Variants in C2CD5 observed in about 807,000 individuals in gnomAD.
C2CD5 encodes C2 calcium dependent domain containing 5.
Under a neutral mutation model 130.3 loss-of-function variants are expected in C2CD5, and 109 were observed. The ratio of observed to expected loss-of-function variants is 0.84; its 90% confidence interval spans 0.72 to 0.98. C2CD5 has a LOEUF of 0.98. Among genes scored for constraint, C2CD5 ranks in the 50% least tolerant of loss-of-function variants. The probability of loss-of-function intolerance (pLI) is 0.00; values close to 1 mark genes in which losing one functional copy is unlikely to be tolerated. For missense variants in C2CD5, 996 were observed against 1,261.8 expected, an observed-to-expected ratio of 0.79 and a Z score of 3.19; for synonymous variants, 454 against 429.2, an observed-to-expected ratio of 1.06 and a Z score of -0.71.
rs1316077723 is a variant in C2CD5 at position 22,449,061 on chromosome 12, T to C, written c.*699A>G. On this transcript the variant is annotated 3_prime_UTR_variant, in exon 27 of 27. Coordinates refer to ENST00000446597, the MANE Select transcript of C2CD5 (RefSeq NM_001286176.2). The stretch of plus-strand genomic sequence containing the variant: ...AGCCTCTTTTAGACAAAGTCAATAC[T>C]AACTCAAATGTTGCCAGTTATAAAA... 6.6e-6 allele frequency: 1 copy of C among 152,206 alleles called. No individual in the cohort carries two copies. The highest frequency in any genetic ancestry group is 2.4e-5 in the African/African-American group (1 of 41,468). 9.4% of individuals were successfully genotyped at this position (152,206 alleles called of 1,614,324 possible).
chr12:22,510,429 A>T (rs1949058776), intron 9 of C2CD5, among the ~76,000 whole-genome samples: 1 of 152,248 alleles, frequency 6.6e-6, no homozygotes, highest in Non-Finnish European at 1.5e-5. Flanking sequence ...GCTCAAAGAC[A>T]GGTTAGTTGA....
intron 17 of C2CD5, 107 bp from the exon 18 acceptor site, chr12:22,472,454 T>C: frequency 1.5e-6 from 1 of 655,578 alleles, no homozygotes. Context: ...ACACCCTTCA[T>C]TTTTTTTCTT....
chr12:22,470,298 T>C lies in C2CD5; in HGVS notation c.2447-503A>G, dbSNP rs1175817982. On this transcript the variant is annotated intron_variant, in intron 21 of 26. Coordinates refer to ENST00000446597, the MANE Select transcript of C2CD5 (RefSeq NM_001286176.2). ...TTTAGCCAGTAAATCATTCAAACTA[T>C]ACAAGAAAGTATAGTATCCCCCATT... Among the ~76,000 whole-genome samples, 6 of 152,224 alleles carry C rather than the reference T, an allele frequency of 3.9e-5. No individual in the cohort carries two copies. The South Asian group carries it at 1.0e-3, about 26-fold the overall frequency.
chr12:22,542,545 C>A (rs1186357278), intron 2 of C2CD5, among the ~76,000 whole-genome samples: 12 of 152,246 alleles, frequency 7.9e-5, no homozygotes, highest in Non-Finnish European at 1.8e-4. Flanking sequence ...ATGCCTTTGC[C>A]TTTGATGTTC....
intron 7 of C2CD5, among the ~76,000 whole-genome samples, chr12:22,520,236 A>G (rs1418608759): frequency 6.6e-6 from 1 of 152,134 alleles, no homozygotes; most frequent in East Asian, 1.9e-4. Context: ...ATGTGAGTAC[A>G]CTCTGAAAAA....
intron 22 of C2CD5, 71 bp from the exon 23 acceptor site, chr12:22,459,613 T>G: frequency 1.1e-6 from 1 of 903,564 alleles, no homozygotes. Flanking sequence ...TTGTTATTTG[T>G]TAATACCTCT....
Position 22,471,298 on chromosome 12 carries a change from T to C in C2CD5, c.2358+101A>G, listed in dbSNP as rs1942988323. The C allele has an allele frequency of 7.4e-6, 5 of 675,714 alleles. No homozygotes were observed. In the South Asian group the frequency reaches 7.9e-5, roughly 11 times the overall value. The allele number at this position is 675,714 out of a possible 1,614,324, so 41.9% of individuals were successfully genotyped here. On this transcript the variant is annotated intron_variant, in intron 20 of 26. Coordinates refer to ENST00000446597, the MANE Select transcript of C2CD5 (RefSeq NM_001286176.2). ...TATTTTTTAATATTGTGAGGTAAACTAGTATATGTTTATTTAATTACGGCA... is the reference window on the plus strand; with the variant it reads ...TATTTTTTAATATTGTGAGGTAAACCAGTATATGTTTATTTAATTACGGCA...
chr12:22,499,742 A>G (rs1947510204), intron 10 of C2CD5, among the ~76,000 whole-genome samples: 1 of 152,210 alleles, frequency 6.6e-6, no homozygotes, highest in African/African-American at 2.4e-5. Context: ...TAAGATTTGT[A>G]AATGCTGCAA....
chr12:22,534,637 G>A (rs557154120), intron 3 of C2CD5: 1 of 152,198 alleles, frequency 6.6e-6, no homozygotes, highest in Non-Finnish European at 1.5e-5. Context: ...GATGAACCCT[G>A]AAAACATTAT....
At chr12:22,509,241 G>A (rs1277779843) in intron 9 of C2CD5, among the ~76,000 whole-genome samples, 1 of 152,168 alleles carries the variant, frequency 6.6e-6, no homozygotes, top group East Asian at 1.9e-4. Flanking sequence ...CTAAATGGAA[G>A]ATAGTACTTC....
At chr12:22,518,391 G>A (rs1172574982) in intron 7 of C2CD5, among the ~76,000 whole-genome samples, 2 of 151,850 alleles carry the variant, frequency 1.3e-5, no homozygotes, top group South Asian at 2.1e-4. Context: ...AGACTAAGGG[G>A]ATAAAAAATA....
chr12:22,532,365 T>C (rs1240319439), intron 3 of C2CD5, among the ~76,000 whole-genome samples: 1 of 151,992 alleles, frequency 6.6e-6, no homozygotes, highest in Non-Finnish European at 1.5e-5. Flanking sequence ...ATTATTCTCT[T>C]TTTTTTGACT....
chr12:22,455,057 G>A (rs1030685490), intron 25 of C2CD5, among the ~76,000 whole-genome samples: 7 of 152,080 alleles, frequency 4.6e-5, no homozygotes, highest in Non-Finnish European at 8.8e-5. Context: ...ACTTTAAACT[G>A]GAAGTGAAGG....
At chr12:22,495,282 T>C (rs543585534) in intron 10 of C2CD5, among the ~76,000 whole-genome samples, 10 of 152,180 alleles carry the variant, frequency 6.6e-5, no homozygotes, top group African/African-American at 1.9e-4. Flanking sequence ...TAATACATGG[T>C]GGCTTTACTG....
chr12:22,502,598 G>A, intron 10 of C2CD5: 1 of 448,420 alleles, frequency 2.2e-6, no homozygotes, highest in Non-Finnish European at 3.9e-6. Flanking sequence ...AATTACAAGA[G>A]TTATTACATA....
chr12:22,471,408 T>C lies in C2CD5; in HGVS notation c.2349A>G (p.Glu783=). ...ACTAAATCTTAATTACCTGAATTAA[T>C]TCATCTTCAGGCAGAGATACTGTAA... ...VNFTVSLPED[E]LIQVTVTAVA... The change falls in exon 20 of 27, where the codon GAA becomes GAG. Residue 783 remains glutamate, a synonymous_variant. Coordinates refer to ENST00000446597, the MANE Select transcript of C2CD5 (RefSeq NM_001286176.2). 1 of 1,522,518 alleles carries C rather than the reference T, an allele frequency of 6.6e-7. No homozygotes were observed. The highest frequency in any genetic ancestry group is 1.1e-5 in the South Asian group (1 of 87,854). 94.3% of individuals were successfully genotyped at this position (1,522,518 alleles called of 1,614,324 possible). A position where few individuals can be genotyped will look rare whatever the true frequency, so the allele number is the denominator to read the frequency against.
At chr12:22,496,499 CTGAGA>C (rs1197016594) in intron 10 of C2CD5, among the ~76,000 whole-genome samples, 1 of 151,876 alleles carries the variant, frequency 6.6e-6, no homozygotes, top group Non-Finnish European at 1.5e-5. Flanking sequence ...GGATATACAG[CTGAGA>C]TGTGAGGTCA....
intron 23 of C2CD5, 54 bp downstream of exon 23, chr12:22,459,438 C>T (rs1940653722): frequency 1.7e-6 from 2 of 1,189,510 alleles, no homozygotes; most frequent in East Asian, 2.6e-5. Context: ...TTATGCACCA[C>T]CAAACTAGAA....
chr12:22,517,888 T>C lies in C2CD5; in HGVS notation c.952+98A>G, dbSNP rs191564907. 240 of 989,376 alleles carry C rather than the reference T, an allele frequency of 2.4e-4. No individual in the cohort carries two copies. The East Asian group carries it at 4.6e-3, about 19-fold the overall frequency. 61.3% of individuals were successfully genotyped at this position (989,376 alleles called of 1,614,324 possible). ...ATTCACATTTTCTTTTTAACTTAAG[T>C]GCCAAAAACAAGAGGAAAGATTTGG... On this transcript the variant is annotated intron_variant, in intron 8 of 26. Coordinates refer to ENST00000446597, the MANE Select transcript of C2CD5 (RefSeq NM_001286176.2).
Sources: allele counts gnomAD v4.1 joint callset (sites outside exome capture counted in the v4.1 genomes callset), GRCh38; gene constraint gnomAD v4.1.1; transcripts MANE v1.5; gene names NCBI Gene and HGNC (gene_info 2026-07-23, HGNC 2026-07-21).